RAB21: variants seen among roughly 807,000 people sequenced by gnomAD.
The protein encoded by RAB21 is RAB21, member RAS oncogene family, also known as ras-related protein Rab-21.
Under a neutral mutation model 33.1 loss-of-function variants are expected in RAB21, and 13 were observed. The observed-to-expected ratio is 0.39, with a 90% CI of 0.26 to 0.62. The LOEUF is 0.62. Ranked by LOEUF, RAB21 falls within the 20% of genes least tolerant of loss-of-function variation. RAB21 has a pLI of 0.48. For missense variants in RAB21, 234 were observed against 279.1 expected (o/e 0.84, Z 1.15); for synonymous variants, 91 against 103.7 (o/e 0.88, Z 0.74).
rs112789402 is a variant in RAB21, at chr12:71,794,236, GAAAAAA to G, written c.*8568_*8573del. 1 of 144,152 alleles carries G rather than the reference GAAAAAA, an allele frequency of 6.9e-6. No homozygotes were observed. Among genetic ancestry groups the G allele is most frequent in the South Asian group, 2.2e-4 (1 of 4,570 alleles). 8.9% of individuals were successfully genotyped at this position (144,152 alleles called of 1,614,324 possible). On this transcript the variant is annotated 3_prime_UTR_variant, in exon 7 of 7. Transcript: ENST00000261263. ...GGCCCTGTCTCAAAAAAAGAAAAAA[GAAAAAA>G]AAAAGTTAAAAGTTGTGGCATGGTG...
intron 1 of RAB21, among the ~76,000 whole-genome samples, chr12:71,764,916 A>T (rs1038804749): frequency 1.3e-5 from 2 of 152,130 alleles, no homozygotes; most frequent in Non-Finnish European, 2.9e-5. Flanking sequence ...TGCAGTAAAC[A>T]TGTGTGCATG....
chr12:71,766,803 AT>A (rs1408723198), intron 1 of RAB21, among the ~76,000 whole-genome samples: 1 of 152,152 alleles, frequency 6.6e-6, no homozygotes, highest in Non-Finnish European at 1.5e-5. Context: ...GTGGAATTTT[AT>A]GGACAGAAGA....
At chr12:71,758,565 T>TC (rs1326769177) in intron 1 of RAB21, among the ~76,000 whole-genome samples, 1 of 151,660 alleles carries the variant, frequency 6.6e-6, no homozygotes, top group Non-Finnish European at 1.5e-5. Context: ...GCCTGCAGCC[T>TC]CCAACTCCTG....
Position 71,780,519 on chromosome 12 carries a change from A to G in RAB21, c.392-1512A>G, listed in dbSNP as rs545021284. On this transcript the variant is annotated intron_variant, in intron 4 of 6. Coordinates refer to ENST00000261263, the MANE Select transcript of RAB21 (RefSeq NM_014999.4). ...TTTCCAATGACAAATATAATGTAGG[A>G]AGTTAGAACTAATATGAAACTTCTT... 2.0e-5 allele frequency among the ~76,000 whole-genome samples: 3 copies of G among 152,340 alleles called. No individual in the cohort carries two copies. In the East Asian group the frequency reaches 5.8e-4, roughly 29 times the overall value.
rs1239270869 is a variant in RAB21 at position 71,786,158 on chromosome 12, C to T, written c.*485C>T. 6.5e-6 allele frequency: 1 copy of T among 153,330 alleles called. No homozygotes were observed. Among genetic ancestry groups the T allele is most frequent in the East Asian group, 1.9e-4 (1 of 5,196 alleles). The allele number at this position is 153,330 out of a possible 1,614,324, so 9.5% of individuals were successfully genotyped here. A position where few individuals can be genotyped will look rare whatever the true frequency, so the allele number is the denominator to read the frequency against. On this transcript the variant is annotated 3_prime_UTR_variant, in exon 7 of 7. Transcript: ENST00000261263. Reference sequence around the variant, plus strand: ...CCTTGTGATCCGCCCGCCTCGGCCTCCCAAAGTGCTGGGATTACAGGCGTG... The same window carrying T: ...CCTTGTGATCCGCCCGCCTCGGCCTTCCAAAGTGCTGGGATTACAGGCGTG...
intron 4 of RAB21, among the ~76,000 whole-genome samples, chr12:71,780,019 A>G (rs1325484910): frequency 1.3e-5 from 2 of 152,240 alleles, no homozygotes; most frequent in Non-Finnish European, 2.9e-5. Flanking sequence ...AACACTGATT[A>G]TTCAAAGAAA....
rs1037670215 is a variant in RAB21, at chr12:71,789,338, T to C, written c.*3665T>C. 3 of 152,128 alleles carry C rather than the reference T, an allele frequency of 2.0e-5. No homozygotes were observed. Among genetic ancestry groups the C allele is most frequent in the Admixed American group, 6.5e-5 (1 of 15,280 alleles). The allele number at this position is 152,128 out of a possible 1,614,324, so 9.4% of individuals were successfully genotyped here. A position where few individuals can be genotyped will look rare whatever the true frequency, so the allele number is the denominator to read the frequency against. On this transcript the variant is annotated 3_prime_UTR_variant, in exon 7 of 7. Coordinates refer to ENST00000261263, the MANE Select transcript of RAB21 (RefSeq NM_014999.4). ...ATATAATTTGCAATTTTCTGTATTA[T>C]AAGTGCTACCAGGATTCTAGATAGT...
At chr12:71,756,610 A>T (rs1882789050) in intron 1 of RAB21, among the ~76,000 whole-genome samples, 1 of 152,234 alleles carries the variant, frequency 6.6e-6, no homozygotes, top group African/African-American at 2.4e-5. Context: ...GAGTGCCAGG[A>T]AACTGCATTT....
chr12:71,755,847 T>A (rs1418635859), intron 1 of RAB21, among the ~76,000 whole-genome samples: 1 of 152,226 alleles, frequency 6.6e-6, no homozygotes, highest in Admixed American at 6.5e-5. Flanking sequence ...TGCGTGGGTC[T>A]GACTTGCGGG....
At chr12:71,760,312 A>T (rs1882852388) in intron 1 of RAB21, among the ~76,000 whole-genome samples, 1 of 151,988 alleles carries the variant, frequency 6.6e-6, no homozygotes, top group Non-Finnish European at 1.5e-5. Context: ...CTCTTTTTCC[A>T]GAGCTGCTCC....
In RAB21 at chr12:71,785,877, A is replaced by C; in HGVS notation, c.*204A>C. The C allele has an allele frequency of 3.9e-6, 2 of 517,648 alleles. No individual in the cohort carries two copies. The highest frequency in any genetic ancestry group is 3.2e-6 in the Non-Finnish European group (1 of 315,624). 32.1% of individuals were successfully genotyped at this position (517,648 alleles called of 1,614,324 possible). A position where few individuals can be genotyped will look rare whatever the true frequency, so the allele number is the denominator to read the frequency against. On this transcript the variant is annotated 3_prime_UTR_variant, in exon 7 of 7. Coordinates refer to ENST00000261263, the MANE Select transcript of RAB21 (RefSeq NM_014999.4). ...ACCAGAGAATTGGCATTTTCTACAA[A>C]TGTTTTTTTTTGTTTTTTTTTTGTT...
At position 71,755,140 on chromosome 12, in the gene RAB21, CCGGCGGCGGCGGCGGCGGGG is replaced by C. The variant is rs753237363; in HGVS notation, c.24_43del (p.Gly9ProfsTer30). ...CCGGGAAGCGACGGGATGGCTGCGG[CCGGCGGCGGCGGCGGCGGGG>C]CGGCGGCGGCGGGCCGAGCCTACTC... On this transcript the variant is annotated frameshift_variant, in exon 1 of 7. Transcript: ENST00000261263. LOFTEE classifies it high-confidence loss of function. The C allele has an allele frequency of 1.4e-5, 17 of 1,255,354 alleles. No individual in the cohort carries two copies. The highest frequency in any genetic ancestry group is 1.4e-5 in the Non-Finnish European group (14 of 1,000,010). The allele number at this position is 1,255,354 out of a possible 1,614,324, so 77.8% of individuals were successfully genotyped here. A position where few individuals can be genotyped will look rare whatever the true frequency, so the allele number is the denominator to read the frequency against.
At chr12:71,760,247 T>C (rs1882850877) in intron 1 of RAB21, among the ~76,000 whole-genome samples, 1 of 152,046 alleles carries the variant, frequency 6.6e-6, no homozygotes, top group Non-Finnish European at 1.5e-5. Context: ...ATTCACTTTC[T>C]TTTTTTTGTT....
intron 4 of RAB21, among the ~76,000 whole-genome samples, chr12:71,775,384 T>G (rs1883104746): frequency 6.6e-6 from 1 of 152,234 alleles, no homozygotes; most frequent in South Asian, 2.1e-4. Flanking sequence ...TATAGCCTCA[T>G]GCTGTTTTCT....
At chr12:71,772,498 A>C (rs1883058388) in intron 3 of RAB21, among the ~76,000 whole-genome samples, 1 of 152,188 alleles carries the variant, frequency 6.6e-6, no homozygotes. Flanking sequence ...TCTCTAACTC[A>C]ACAAAAATGT....
intron 1 of RAB21, among the ~76,000 whole-genome samples, chr12:71,756,745 T>C (rs1882791145): frequency 6.6e-6 from 1 of 152,198 alleles, no homozygotes; most frequent in South Asian, 2.1e-4. Context: ...CTAGGATCAT[T>C]TGGAAGTTTA....
chr12:71,785,351 C>T (rs1883268454), intron 6 of RAB21, among the ~76,000 whole-genome samples, 180 bp from the exon 7 acceptor site: 1 of 152,128 alleles, frequency 6.6e-6, no homozygotes, highest in Admixed American at 6.6e-5. Context: ...TAGTTTTTGA[C>T]ACTAGTTTTT....
intron 4 of RAB21, among the ~76,000 whole-genome samples, chr12:71,779,799 C>T (rs1883171976): frequency 6.6e-6 from 1 of 152,060 alleles, no homozygotes; most frequent in African/African-American, 2.4e-5. Context: ...TGGTTATTGT[C>T]CTTGTTTTCA....
rs893089154 is a variant in RAB21, at chr12:71,791,806, A to G, written c.*6133A>G. ...ATTCCCTGAATGGAACTTCTACCCT[A>G]TATCAAATTCCACCCTCAACTGACC... On this transcript the variant is annotated 3_prime_UTR_variant, in exon 7 of 7. Transcript: ENST00000261263. The G allele has an allele frequency of 1.3e-5, 2 of 152,138 alleles. No homozygotes were observed. The highest frequency in any genetic ancestry group is 1.9e-4 in the East Asian group (1 of 5,196). 9.4% of individuals were successfully genotyped at this position (152,138 alleles called of 1,614,324 possible).
Sources: gnomAD v4.1 joint callset for allele counts (sites outside exome capture counted in the v4.1 genomes callset) on GRCh38, gnomAD v4.1.1 for gene constraint, MANE v1.5 for transcripts, NCBI Gene and HGNC (gene_info 2026-07-23, HGNC 2026-07-21) for gene names.